Variants in UBE2G1 observed in about 807,000 individuals in gnomAD.
UBE2G1 encodes ubiquitin-conjugating enzyme E2 G1.
UBE2G1 carries 5 observed loss-of-function variants against 22.7 expected under a neutral mutation model. The ratio of observed to expected loss-of-function variants is 0.22; its 90% confidence interval spans 0.12 to 0.46. UBE2G1 has a LOEUF of 0.46. Among genes scored for constraint, UBE2G1 ranks in the 20% least tolerant of loss-of-function variants. The pLI is 0.99. For synonymous variants in UBE2G1, 74 were observed against 67.5 expected (o/e 1.10, Z -0.47); for missense variants, 88 against 203.9 (o/e 0.43, Z 3.46).
intron 1 of UBE2G1, among the ~76,000 whole-genome samples, chr17:4,311,370 T>C (rs765904034): frequency 2.0e-5 from 3 of 152,242 alleles, no homozygotes; most frequent in Non-Finnish European, 4.4e-5. Context: ...TGAATGTCTG[T>C]AGTAGCATTT....
chr17:4,305,953 A>G (rs974336897), intron 2 of UBE2G1, among the ~76,000 whole-genome samples: 2 of 152,246 alleles, frequency 1.3e-5, no homozygotes, highest in Non-Finnish European at 2.9e-5. Flanking sequence ...ACGACATGAA[A>G]TATTTTTAAA....
At chr17:4,282,123 T>A (rs1968900523) in intron 5 of UBE2G1, among the ~76,000 whole-genome samples, 1 of 152,186 alleles carries the variant, frequency 6.6e-6, no homozygotes, top group Non-Finnish European at 1.5e-5. Context: ...TGCTCTGTTG[T>A]CCAGGCTGTA....
chr17:4,319,734 A>AG (rs1477173136), intron 1 of UBE2G1, among the ~76,000 whole-genome samples: 7 of 152,192 alleles, frequency 4.6e-5, no homozygotes, highest in Admixed American at 3.9e-4. Flanking sequence ...AAAAAAAAAA[A>AG]AGAGAGAGAG....
chr17:4,295,454 A>G lies in UBE2G1; in HGVS notation c.247+1263T>C, dbSNP rs555534178. ...ATCTGGTTTTCAAGCCTTGGCTTCT[A>G]TTACGTATTCCATATCCTTCCGATA... On this transcript the variant is annotated intron_variant, in intron 3 of 5. Transcript: ENST00000396981. Among the ~76,000 whole-genome samples the G allele has an allele frequency of 1.4e-3, 212 of 152,298 alleles. 1 individual carries two copies. The highest frequency in any genetic ancestry group is 4.8e-3 in the African/African-American group (199 of 41,570).
intron 2 of UBE2G1, among the ~76,000 whole-genome samples, chr17:4,304,434 TAGAA>T (rs1361550049): frequency 1.3e-5 from 2 of 152,202 alleles, no homozygotes; most frequent in Non-Finnish European, 2.9e-5. Flanking sequence ...GTACATTTCA[TAGAA>T]AGGCCTTAGG....
chr17:4,312,776 C>T (rs1969326739), intron 1 of UBE2G1, among the ~76,000 whole-genome samples: 1 of 150,576 alleles, frequency 6.6e-6, no homozygotes, highest in Non-Finnish European at 1.5e-5. Flanking sequence ...AGAAACTATC[C>T]AATGATGATA....
chr17:4,304,470 CATT>C (rs1969225364), intron 2 of UBE2G1, among the ~76,000 whole-genome samples: 2 of 152,086 alleles, frequency 1.3e-5, no homozygotes, highest in African/African-American at 4.8e-5. Flanking sequence ...TGGAAAGACT[CATT>C]AATAAAAATA....
intron 3 of UBE2G1, among the ~76,000 whole-genome samples, chr17:4,294,432 AAAAAAAAAGAAAGAAAC>A (rs1567516859): frequency 3.6e-5 from 5 of 137,656 alleles, no homozygotes; most frequent in Admixed American, 7.5e-5. Flanking sequence ...AAAAAAAAAA[AAAAAAAAAGAAAGAAAC>A]GAAAAGAAAA....
intron 1 of UBE2G1, among the ~76,000 whole-genome samples, chr17:4,316,865 G>A (rs886160439): frequency 2.7e-5 from 4 of 149,902 alleles, no homozygotes; most frequent in Non-Finnish European, 4.4e-5. Flanking sequence ...GTTTGGGCCC[G>A]GAAGTTTGAG....
intron 2 of UBE2G1, chr17:4,302,731 T>C (rs1370119771): frequency 2.8e-5 from 6 of 214,764 alleles, no homozygotes; most frequent in Non-Finnish European, 5.9e-5. Flanking sequence ...GAGAATGGGC[T>C]TTTGCACATC....
chr17:4,365,616 C>T (rs1036232430), intron 1 of UBE2G1, among the ~76,000 whole-genome samples: 2 of 152,164 alleles, frequency 1.3e-5, no homozygotes, highest in South Asian at 2.1e-4. Flanking sequence ...CTCCTACCCT[C>T]CCCCAGCCGG....
At chr17:4,273,312 C>T (rs1968782018) in intron 5 of UBE2G1, among the ~76,000 whole-genome samples, 1 of 152,184 alleles carries the variant, frequency 6.6e-6, no homozygotes, top group East Asian at 1.9e-4. Flanking sequence ...GCTGAGTTTC[C>T]TGTTCAAAAA....
chr17:4,348,531 C>T (rs1597264577), intron 1 of UBE2G1, among the ~76,000 whole-genome samples: 1 of 126,822 alleles, frequency 7.9e-6, no homozygotes, highest in Non-Finnish European at 1.6e-5. Context: ...CCAGCCTGGG[C>T]GACAGAGCGA....
intron 1 of UBE2G1, among the ~76,000 whole-genome samples, chr17:4,363,274 A>T (rs913728240): frequency 3.3e-5 from 5 of 151,896 alleles, no homozygotes; most frequent in Admixed American, 6.6e-5. Flanking sequence ...TTCAAATTTT[A>T]AAAAAAAATT....
Position 4,272,205 on chromosome 17 carries a change from TCTA to T in UBE2G1, c.*346_*348del, listed in dbSNP as rs1175005221. ...CTCTTAGAATTTACACGATTCTTATTCTACTACAAGAAAGCATTATTTGGTACA... is the reference window on the plus strand; with the variant it reads ...CTCTTAGAATTTACACGATTCTTATTCTACAAGAAAGCATTATTTGGTACA... On this transcript the variant is annotated 3_prime_UTR_variant, in exon 6 of 6. Coordinates refer to ENST00000396981, the MANE Select transcript of UBE2G1 (RefSeq NM_003342.5). 2.0e-5 allele frequency: 3 copies of T among 152,826 alleles called. No homozygotes were observed. The East Asian group carries it at 5.8e-4, about 29-fold the overall frequency. The allele number at this position is 152,826 out of a possible 1,614,324, so 9.5% of individuals were successfully genotyped here.
At chr17:4,285,501 C>T (rs1320400895) in intron 4 of UBE2G1, among the ~76,000 whole-genome samples, 2 of 152,162 alleles carry the variant, frequency 1.3e-5, no homozygotes, top group Non-Finnish European at 2.9e-5. Context: ...TTAATTGCCA[C>T]ATACCCTAAA....
intron 4 of UBE2G1, among the ~76,000 whole-genome samples, chr17:4,284,825 TTTTCTTTTCTTTC>T (rs1968940429): frequency 6.8e-4 from 71 of 104,376 alleles, no homozygotes; most frequent in African/African-American, 2.5e-3. Flanking sequence ...TTTTCTTTTC[TTTTCTTTTCTTTC>T]TTTTTTTTTT....
chr17:4,340,252 C>G (rs1382709201), intron 1 of UBE2G1, among the ~76,000 whole-genome samples: 2 of 152,298 alleles, frequency 1.3e-5, no homozygotes, highest in East Asian at 3.9e-4. Context: ...CCTCTTTCAT[C>G]CTTGCATCCT....
intron 5 of UBE2G1, among the ~76,000 whole-genome samples, chr17:4,273,617 A>C (rs966432826): frequency 2.6e-5 from 4 of 151,886 alleles, no homozygotes; most frequent in Non-Finnish European, 4.4e-5. Flanking sequence ...TGTTGGGATT[A>C]CAGGCATGTG....
Sources: allele counts gnomAD v4.1 joint callset (sites outside exome capture counted in the v4.1 genomes callset), GRCh38; gene constraint gnomAD v4.1.1; transcripts MANE v1.5; gene names NCBI Gene and HGNC (gene_info 2026-07-23, HGNC 2026-07-21).